Variants in AFAP1 observed in about 807,000 individuals in gnomAD.
The protein encoded by AFAP1 is actin filament-associated protein 1.
AFAP1 carries 75 observed loss-of-function variants against 93.9 expected under a neutral mutation model. That is an observed-to-expected ratio of 0.80 (90% confidence interval 0.66 to 0.97). The LOEUF is 0.97. AFAP1 is among the 50% of genes least tolerant of loss of function. The pLI is 0.00. For missense variants in AFAP1, 1,201 were observed against 1,050.8 expected (o/e 1.14, Z -1.98); for synonymous variants, 517 against 430.7 (o/e 1.20, Z -2.48).
intron 9 of AFAP1, among the ~76,000 whole-genome samples, chr4:7,803,680 G>C (rs1167902783): frequency 6.6e-6 from 1 of 152,222 alleles, no homozygotes; most frequent in Non-Finnish European, 1.5e-5. Context: ...CAGGGGACCT[G>C]GTCCCGAAAA....
chr4:7,784,283 C>A (rs1717057905), intron 12 of AFAP1, among the ~76,000 whole-genome samples: 1 of 152,046 alleles, frequency 6.6e-6, no homozygotes, highest in South Asian at 2.1e-4. Context: ...AGGATGGGAT[C>A]CTAAAGTGGC....
intron 1 of AFAP1, among the ~76,000 whole-genome samples, chr4:7,899,746 G>C (rs1418170160): frequency 1.3e-5 from 2 of 152,054 alleles, no homozygotes; most frequent in Non-Finnish European, 2.9e-5. Context: ...GAATAACAAA[G>C]GGAAGCATCA....
chr4:7,886,027 A>G (rs1718122320), intron 1 of AFAP1, among the ~76,000 whole-genome samples: 1 of 152,226 alleles, frequency 6.6e-6, no homozygotes, highest in Non-Finnish European at 1.5e-5. Context: ...GCCTCCGCAG[A>G]TCATCCAAAT....
At chr4:7,921,848 G>A (rs565259154) in intron 1 of AFAP1, among the ~76,000 whole-genome samples, 2 of 152,288 alleles carry the variant, frequency 1.3e-5, no homozygotes, top group East Asian at 3.9e-4. Context: ...CACATAGGCC[G>A]GGCGCGGTGG....
intron 1 of AFAP1, among the ~76,000 whole-genome samples, chr4:7,884,225 C>T (rs1461881609): frequency 6.6e-6 from 1 of 152,178 alleles, no homozygotes; most frequent in Non-Finnish European, 1.5e-5. Flanking sequence ...CAAATGTCGG[C>T]ACCATGCTTG....
At chr4:7,823,676 C>G (rs1577255264) in intron 6 of AFAP1, among the ~76,000 whole-genome samples, 1 of 152,194 alleles carries the variant, frequency 6.6e-6, no homozygotes, top group Admixed American at 6.5e-5. Flanking sequence ...TCCTGGTACA[C>G]CCAACCATGT....
chr4:7,830,208 A>C (rs6446628), intron 6 of AFAP1, among the ~76,000 whole-genome samples: 109,324 of 152,068 alleles, frequency 0.72, 39,923 homozygotes, highest in African/African-American at 0.81. Flanking sequence ...ATGTACAAGG[A>C]AACTCTGAAA....
intron 1 of AFAP1, among the ~76,000 whole-genome samples, chr4:7,936,742 C>T (rs898997711): frequency 9.9e-5 from 15 of 152,038 alleles, no homozygotes; most frequent in African/African-American, 3.1e-4. Flanking sequence ...CCACCACACC[C>T]GGCTAACTTT....
chr4:7,893,562 C>CA (rs1331031007), intron 1 of AFAP1, among the ~76,000 whole-genome samples: 1 of 107,940 alleles, frequency 9.3e-6, no homozygotes, highest in Non-Finnish European at 1.7e-5. Context: ...GCCTGGGCGA[C>CA]AGAGTGGGAC....
chr4:7,855,738 G>A (rs547383390), intron 3 of AFAP1, among the ~76,000 whole-genome samples, 164 bp from the exon 4 acceptor site: 13 of 152,300 alleles, frequency 8.5e-5, no homozygotes, highest in Middle Eastern at 3.4e-3. Flanking sequence ...CAGCCCTGAT[G>A]TGTCTCTCTT....
rs1422297550 is a variant in AFAP1, at chr4:7,872,198, T to C, written c.-2-118A>G. ...AGCTTGATCATTGGATATAGTATTC[T>C]GACCTAAAAAACAAGTTTGCTGAAA... On this transcript the variant is annotated intron_variant, in intron 1 of 17. Transcript: ENST00000420658. 3.8e-6 allele frequency: 5 copies of C among 1,316,868 alleles called. No individual in the cohort carries two copies. In the East Asian group the frequency reaches 1.2e-4, roughly 32 times the overall value. The allele number at this position is 1,316,868 out of a possible 1,614,324, so 81.6% of individuals were successfully genotyped here. A position where few individuals can be genotyped will look rare whatever the true frequency, so the allele number is the denominator to read the frequency against.
chr4:7,892,678 C>T (rs1286186648), intron 1 of AFAP1, among the ~76,000 whole-genome samples: 1 of 152,060 alleles, frequency 6.6e-6, no homozygotes, highest in East Asian at 1.9e-4. Context: ...CAGCAGCTTC[C>T]AGGGTGCCTA....
chr4:7,776,384 GTA>G (rs1299310349), intron 14 of AFAP1: 2 of 151,842 alleles, frequency 1.3e-5, no homozygotes, highest in Non-Finnish European at 2.9e-5. Context: ...CTGTGTGTGT[GTA>G]TGTGTGTGTG....
intron 1 of AFAP1, among the ~76,000 whole-genome samples, chr4:7,872,852 C>G (rs928688316): frequency 3.4e-5 from 5 of 147,708 alleles, no homozygotes; most frequent in African/African-American, 1.3e-4. Flanking sequence ...CATCTTAGCA[C>G]GAATCAAGGA....
intron 1 of AFAP1, among the ~76,000 whole-genome samples, chr4:7,927,925 T>C (rs1326269588): frequency 1.3e-5 from 2 of 152,172 alleles, no homozygotes; most frequent in Non-Finnish European, 2.9e-5. Flanking sequence ...CATGATGGAA[T>C]TGTTCTGTGA....
chr4:7,766,222 C>G (rs1324789474), intron 17 of AFAP1, among the ~76,000 whole-genome samples: 1 of 152,160 alleles, frequency 6.6e-6, no homozygotes, highest in Non-Finnish European at 1.5e-5. Flanking sequence ...GCTGGGTACG[C>G]TTCGTGCCTT....
At chr4:7,764,401 A>G (rs1430171338) in intron 17 of AFAP1, among the ~76,000 whole-genome samples, 1 of 125,252 alleles carries the variant, frequency 8.0e-6, no homozygotes, top group Non-Finnish European at 1.8e-5. Flanking sequence ...ATAAAAAAAA[A>G]AGGAAGTAGA....
intron 6 of AFAP1, among the ~76,000 whole-genome samples, chr4:7,820,639 G>C (rs1720893621): frequency 1.3e-5 from 2 of 152,136 alleles, no homozygotes; most frequent in African/African-American, 4.8e-5. Flanking sequence ...ACTCCCTAAG[G>C]GAAGCGGAGA....
chr4:7,857,854 C>T (rs1176618659), intron 3 of AFAP1, among the ~76,000 whole-genome samples: 2 of 151,542 alleles, frequency 1.3e-5, no homozygotes, highest in Admixed American at 1.3e-4. Context: ...AAGGAACTTA[C>T]TCTCTGAATC....
Sources: allele counts gnomAD v4.1 joint callset (sites outside exome capture counted in the v4.1 genomes callset), GRCh38; gene constraint gnomAD v4.1.1; transcripts MANE v1.5; gene names NCBI Gene and HGNC (gene_info 2026-07-23, HGNC 2026-07-21).